The following NLRX1 variants were observed in gnomAD, a reference collection of about 807,000 sequenced individuals.
NLRX1 encodes the protein NOD-like receptor X1.
NLRX1 carries 67 observed loss-of-function variants against 74.2 expected under a neutral mutation model. That is an observed-to-expected ratio of 0.90 (90% CI 0.74 to 1.11). NLRX1 has a LOEUF of 1.11. Ranked by LOEUF, NLRX1 falls within the 50% of genes least tolerant of loss-of-function variation. The pLI, the probability that NLRX1 is intolerant of heterozygous loss-of-function variation, is 0.00. For synonymous variants in NLRX1, 506 were observed against 559.1 expected, an observed-to-expected ratio of 0.91 and a Z score of 1.34; for missense variants, 1,191 against 1,305.4, an observed-to-expected ratio of 0.91 and a Z score of 1.35.
In NLRX1 at chr11:119,173,994, C is replaced by G; in HGVS notation, c.745C>G (p.Leu249Val). 1 of 1,614,168 alleles carries G rather than the reference C, an allele frequency of 6.2e-7. No homozygotes were observed. The change falls in exon 5 of 10, where the codon CTC (leucine) becomes GTC (valine). Residue 249 changes from leucine (L) to valine (V), a missense_variant. By Grantham distance (32) the Leu-to-Val change is conservative (BLOSUM62 1). Transcript: ENST00000409109. This position sits in a 1 kb window ranked among gnomAD's most constrained non-coding sequence, Gnocchi z 4.0. Reference sequence around the variant, plus strand: ...GCTCCATGGCTTAGAGCATCTCAACCTCGACTTCCGGCTGGCAGGCACGGG... The same window carrying G: ...GCTCCATGGCTTAGAGCATCTCAACGTCGACTTCCGGCTGGCAGGCACGGG... The part of the protein sequence containing the change: ...FVLHGLEHLN[L>V]DFRLAGTGLC...
rs775293873 is a variant in NLRX1, at chr11:119,175,117, A to G, written c.1514A>G (p.Tyr505Cys). 34 of 1,614,060 alleles carry G rather than the reference A, an allele frequency of 2.1e-5. No homozygotes were observed. The highest frequency in any genetic ancestry group is 5.0e-5 in the Admixed American group (3 of 60,002). ...ATGCAGGAATACCTGGCTGCCCTCT[A>G]CATTGTGCTGGGTTTGCGCAAGACG... ...PAMQEYLAAL[Y>C]IVLGLRKTTL... The change falls in exon 6 of 10, where the codon TAC becomes TGC. Residue 505 changes from tyrosine (Y) to cysteine (C), a missense_variant. Tyr to Cys is a radical substitution (Grantham distance 194). Transcript: ENST00000409109.
rs750127883 is a variant in NLRX1 at position 119,179,926 on chromosome 11, C to T, written c.1905C>T (p.Asn635=). 2 of 1,611,888 alleles carry T rather than the reference C, an allele frequency of 1.2e-6. No individual in the cohort carries two copies. Among genetic ancestry groups the T allele is most frequent in the Non-Finnish European group, 1.7e-6 (2 of 1,178,350 alleles). ...TGGGGGGGCTTCTCTCTGCCCACAA[C>T]CGAGCTGTGCTAGCTCAGCTTGGCT... ...MFMGGLLSAH[N]RAVLAQLGCP... Residue 635 remains asparagine, a synonymous_variant, in exon 7 of 10, where the codon AAC becomes AAT. Transcript: ENST00000409109.
chr11:119,169,488 G>T (rs1948487862), intron 1 of NLRX1, among the ~76,000 whole-genome samples, 186 bp downstream of exon 1: 1 of 152,158 alleles, frequency 6.6e-6, no homozygotes, highest in Non-Finnish European at 1.5e-5. Context: ...CCCCTGGGAC[G>T]GGCCAGCACC....
At chr11:119,170,799 CA>C (rs772118941) in intron 1 of NLRX1, among the ~76,000 whole-genome samples, 12 of 152,108 alleles carry the variant, frequency 7.9e-5, no homozygotes, top group Non-Finnish European at 1.8e-4. Flanking sequence ...AGCAGTTTAC[CA>C]GGGTGGAACT....
Position 119,183,004 on chromosome 11 carries a change from G to A in NLRX1, c.2607-114G>A, listed in dbSNP as rs954167768. 25 of 914,884 alleles carry A rather than the reference G, an allele frequency of 2.7e-5. No individual in the cohort carries two copies. Among genetic ancestry groups the A allele is most frequent in the Middle Eastern group, 2.3e-4 (1 of 4,374 alleles). 56.7% of individuals were successfully genotyped at this position (914,884 alleles called of 1,614,324 possible). A position where few individuals can be genotyped will look rare whatever the true frequency, so the allele number is the denominator to read the frequency against. On this transcript the variant is annotated intron_variant, in intron 9 of 9. Transcript: ENST00000409109. The surrounding 1 kb of genome is among the most constrained non-coding windows in gnomAD (Gnocchi z 5.7). ...TCTGGCTCATTGCAGTTACCTGATC[G>A]CACTCTGCAGCCAGGAGATGAGTTG... is the stretch of plus-strand genomic sequence containing the variant.
Position 119,183,320 on chromosome 11 carries a change from C to T in NLRX1, c.2809C>T (p.Leu937=), listed in dbSNP as rs1948894418. The change falls in exon 10 of 10, where the codon CTG becomes TTG. Residue 937 remains leucine, a synonymous_variant. Transcript: ENST00000409109. This position sits in a 1 kb window ranked among gnomAD's most constrained non-coding sequence, Gnocchi z 5.7. ...GGTTCAGCGACACCTTGAGCTCCTACTGCGGGATCTGGAAGATAGCCGGGG... is the reference window on the plus strand; with the variant it reads ...GGTTCAGCGACACCTTGAGCTCCTATTGCGGGATCTGGAAGATAGCCGGGG... ...ARVQRHLELL[L]RDLEDSRGAT... 3 of 1,614,236 alleles carry T rather than the reference C, an allele frequency of 1.9e-6. No homozygotes were observed. Among genetic ancestry groups the T allele is most frequent in the Non-Finnish European group, 2.5e-6 (3 of 1,180,046 alleles).
In NLRX1 at chr11:119,173,091, C is replaced by T; in HGVS notation, c.229+102C>T. 1.1e-6 allele frequency: 1 copy of T among 874,670 alleles called. No homozygotes were observed. Among genetic ancestry groups the T allele is most frequent in the South Asian group, 1.4e-5 (1 of 72,952 alleles). 54.2% of individuals were successfully genotyped at this position (874,670 alleles called of 1,614,324 possible). ...GGCATAGAGGATCCACTGCCATCTTCCATCGGTGGTCCCTCCTCCTCTCTC... is the reference window on the plus strand; with the variant it reads ...GGCATAGAGGATCCACTGCCATCTTTCATCGGTGGTCCCTCCTCCTCTCTC... On this transcript the variant is annotated intron_variant, in intron 4 of 9. Transcript: ENST00000409109. The surrounding 1 kb of genome is among the most constrained non-coding windows in gnomAD (Gnocchi z 4.0).
chr11:119,174,477 C>G lies in NLRX1; in HGVS notation c.874C>G (p.Pro292Ala), dbSNP rs917685073. The change falls in exon 6 of 10, where the codon CCC becomes GCC. Residue 292 changes from proline (P) to alanine (A), a missense_variant. Transcript: ENST00000409109. ...PQASILVTTRPSAIGRIPSKY... is the reference protein window; with the variant it reads ...PQASILVTTRASAIGRIPSKY... Reference sequence around the variant, plus strand: ...GGCCAGCATTCTGGTGACCACTCGGCCCTCTGCCATTGGCCGTATCCCCAG... The same window carrying G: ...GGCCAGCATTCTGGTGACCACTCGGGCCTCTGCCATTGGCCGTATCCCCAG... 13 of 1,613,904 alleles carry G rather than the reference C, an allele frequency of 8.1e-6. No homozygotes were observed. Among genetic ancestry groups the G allele is most frequent in the African/African-American group, 1.3e-5 (1 of 74,950 alleles).
chr11:119,183,305 C>T lies in NLRX1; in HGVS notation c.2794C>T (p.His932Tyr), dbSNP rs1274426443. 4.3e-6 allele frequency: 7 copies of T among 1,614,114 alleles called. No individual in the cohort carries two copies. Among genetic ancestry groups the T allele is most frequent in the Admixed American group, 1.7e-5 (1 of 60,008 alleles). The stretch of plus-strand genomic sequence containing the variant: ...CTGGGATCGGGCCCGGGTTCAGCGA[C>T]ACCTTGAGCTCCTACTGCGGGATCT... ...NSWDRARVQR[H>Y]LELLLRDLED... The change falls in exon 10 of 10, where the codon CAC becomes TAC. Residue 932 changes from histidine to tyrosine, a missense_variant. Physicochemically the swap from His to Tyr is moderately conservative, Grantham distance 83 (BLOSUM62 2). Coordinates refer to ENST00000409109, the MANE Select transcript of NLRX1 (RefSeq NM_001282144.2). This position sits in a 1 kb window ranked among gnomAD's most constrained non-coding sequence, Gnocchi z 5.7.
In NLRX1 at chr11:119,183,920, C is replaced by T. The variant is rs1483967699; in HGVS notation, c.*481C>T. 1.3e-6 allele frequency: 1 copy of T among 780,492 alleles called. No homozygotes were observed. Among genetic ancestry groups the T allele is most frequent in the African/African-American group, 1.7e-5 (1 of 59,266 alleles). 48.3% of individuals were successfully genotyped at this position (780,492 alleles called of 1,614,324 possible). ...CACATTGGTGCTTTCTCCTCATCCT[C>T]ATGCCCCCTTTGCCACAATGGTATG... On this transcript the variant is annotated 3_prime_UTR_variant, in exon 10 of 10. Transcript: ENST00000409109. The surrounding 1 kb of genome is among the most constrained non-coding windows in gnomAD (Gnocchi z 5.7).
intron 1 of NLRX1, 94 bp from the exon 2 acceptor site, chr11:119,171,262 C>T (rs770304546): frequency 8.1e-5 from 65 of 806,762 alleles, no homozygotes; most frequent in Non-Finnish European, 1.1e-4. Context: ...GGCTGATCCT[C>T]TCCTGGGAGG....
chr11:119,182,051 C>T, intron 8 of NLRX1, 43 bp from the exon 9 acceptor site: 2 of 1,599,216 alleles, frequency 1.3e-6, no homozygotes, highest in Non-Finnish European at 1.7e-6. Context: ...CCTCCCCCTC[C>T]TCTCAATGAG....
chr11:119,180,353 A>G (rs138341769), intron 7 of NLRX1, 65 bp downstream of exon 7: 525 of 1,334,962 alleles, frequency 3.9e-4, no homozygotes, highest in Middle Eastern at 1.1e-3. Context: ...GAAGTGGGAA[A>G]AGAAAGTGCC....
Position 119,173,678 on chromosome 11 carries a change from A to C in NLRX1, c.429A>C (p.Pro143=), listed in dbSNP as rs1342567447. The C allele has an allele frequency of 1.2e-6, 2 of 1,613,880 alleles. No individual in the cohort carries two copies. The highest frequency in any genetic ancestry group is 1.7e-6 in the Non-Finnish European group (2 of 1,180,000). The change falls in exon 5 of 10, where the codon CCA becomes CCC. Residue 143 remains proline (P), a synonymous_variant. Transcript: ENST00000409109. The surrounding 1 kb of genome is among the most constrained non-coding windows in gnomAD (Gnocchi z 4.0). ...AGCCACCCCAGGCCGGGCTCCCCCC[A>C]CTGGCCTTGTCTCAGCTCTTTAACC... ...EHQPPQAGLP[P]LALSQLFNPD...
At position 119,180,089 on chromosome 11, in the gene NLRX1, T is replaced by C. The variant is rs772317267; in HGVS notation, c.2068T>C (p.Phe690Leu). The C allele has an allele frequency of 1.9e-6, 3 of 1,613,728 alleles. No individual in the cohort carries two copies. Among genetic ancestry groups the C allele is most frequent in the Non-Finnish European group, 2.5e-6 (3 of 1,179,964 alleles). ...FFHYEFQNQR[F>L]SAEVLSSLRQ... ...CCACTATGAGTTCCAGAACCAGCGC[T>C]TCTCCGCTGAGGTGCTCAGCTCCCT... The change falls in exon 7 of 10, where the codon TTC (phenylalanine) becomes CTC (leucine). Residue 690 changes from phenylalanine to leucine, a missense_variant. Coordinates refer to ENST00000409109, the MANE Select transcript of NLRX1 (RefSeq NM_001282144.2).
In NLRX1 at chr11:119,174,522, G is replaced by C. The variant is rs200007524; in HGVS notation, c.919G>C (p.Gly307Arg). Reference protein sequence around the residue: ...RIPSKYVGRYGEICGFSDTNL... With the variant: ...RIPSKYVGRYREICGFSDTNL... ...CCCCAGCAAGTACGTGGGCCGCTAT[G>C]GTGAGATCTGCGGTTTCTCTGATAC... Residue 307 changes from glycine to arginine, a missense_variant, in exon 6 of 10, where the codon GGT becomes CGT. Coordinates refer to ENST00000409109, the MANE Select transcript of NLRX1 (RefSeq NM_001282144.2). 1 of 1,614,090 alleles carries C rather than the reference G, an allele frequency of 6.2e-7. No homozygotes were observed. The highest frequency in any genetic ancestry group is 8.5e-7 in the Non-Finnish European group (1 of 1,180,048).
Position 119,171,375 on chromosome 11 carries a change from C to A in NLRX1, c.-29C>A. On this transcript the variant is annotated 5_prime_UTR_variant, in exon 2 of 10. Coordinates refer to ENST00000409109, the MANE Select transcript of NLRX1 (RefSeq NM_001282144.2). ...TTGCAGGACAGAAGTCGGTCCTAGG[C>A]CCCCCAGGCTCTGACCTTCTTTCCC... 1 of 1,611,110 alleles carries A rather than the reference C, an allele frequency of 6.2e-7. No homozygotes were observed. The highest frequency in any genetic ancestry group is 1.3e-5 in the African/African-American group (1 of 74,898).
Position 119,174,674 on chromosome 11 carries a change from C to T in NLRX1, c.1071C>T (p.Asn357=). The part of the protein sequence containing the change: ...RDHLVQMLSR[N]LEGHHQIAAA... ...ACCTGGTGCAGATGCTCTCCCGGAA[C>T]CTGGAGGGGCACCACCAGATAGCCG... The change falls in exon 6 of 10, where the codon AAC becomes AAT. Residue 357 remains asparagine (N), a synonymous_variant. Coordinates refer to ENST00000409109, the MANE Select transcript of NLRX1 (RefSeq NM_001282144.2). The T allele has an allele frequency of 6.2e-7, 1 of 1,613,988 alleles. No homozygotes were observed. The highest frequency in any genetic ancestry group is 1.7e-5 in the Admixed American group (1 of 60,030).
rs765824931 is a variant in NLRX1 at position 119,183,150 on chromosome 11, G to A, written c.2639G>A (p.Arg880His). The change falls in exon 10 of 10, where the codon CGC becomes CAC. Residue 880 changes from arginine to histidine, a missense_variant. By Grantham distance (29) the Arg-to-His change is conservative (BLOSUM62 0). Coordinates refer to ENST00000409109, the MANE Select transcript of NLRX1 (RefSeq NM_001282144.2). This position sits in a 1 kb window ranked among gnomAD's most constrained non-coding sequence, Gnocchi z 5.7. ...TTCAATGAGCTGAGCTCAGAGGGCC[G>A]CCAGGTCTTGCGAGACTTGGGGGGT... Reference protein sequence around the residue: ...LYFNELSSEGRQVLRDLGGAA... With the variant: ...LYFNELSSEGHQVLRDLGGAA... 8 of 1,614,076 alleles carry A rather than the reference G, an allele frequency of 5.0e-6. No homozygotes were observed. The highest frequency in any genetic ancestry group is 1.1e-5 in the South Asian group (1 of 91,080).
Sources: gnomAD v4.1 joint callset for allele counts (sites outside exome capture counted in the v4.1 genomes callset) on GRCh38, gnomAD v4.1.1 for gene constraint, Gnocchi (gnomAD v3.1) non-coding constraint, MANE v1.5 for transcripts, NCBI Gene and HGNC (gene_info 2026-07-23, HGNC 2026-07-21) for gene names.